Variants in MYO5B observed in about 807,000 individuals in gnomAD.
MYO5B encodes unconventional myosin-Vb.
Under a neutral mutation model 229.3 loss-of-function variants are expected in MYO5B, and 143 were observed. The observed-to-expected ratio is 0.62, with a 90% CI of 0.54 to 0.72. The LOEUF is 0.72. Ranked by LOEUF, MYO5B falls within the 30% of genes least tolerant of loss-of-function variation. MYO5B has a pLI of 0.00. For synonymous variants in MYO5B, 918 were observed against 885.2 expected, an observed-to-expected ratio of 1.04 and a Z score of -0.66; for missense variants, 2,321 against 2,331.0, an observed-to-expected ratio of 1.00 and a Z score of 0.09.
intron 10 of MYO5B, 32 bp from the exon 11 acceptor site, chr18:49,963,062 C>T (rs759836020): frequency 1.9e-6 from 3 of 1,571,044 alleles, no homozygotes; most frequent in Admixed American, 3.3e-5. Flanking sequence ...TAAGAGACGT[C>T]TCCTTTCAAC....
intron 1 of MYO5B, among the ~76,000 whole-genome samples, chr18:50,133,170 C>T (rs2032280634): frequency 6.6e-6 from 1 of 152,070 alleles, no homozygotes; most frequent in South Asian, 2.1e-4. Context: ...TATCCATGGC[C>T]CCCTTCAAAG....
At chr18:49,941,751 C>T (rs2025316032) in intron 14 of MYO5B, among the ~76,000 whole-genome samples, 1 of 151,348 alleles carries the variant, frequency 6.6e-6, no homozygotes, top group African/African-American at 2.4e-5. Flanking sequence ...GGCCATACTG[C>T]CCAAGGTAAT....
At chr18:49,985,827 C>T (rs2025864915) in intron 7 of MYO5B, among the ~76,000 whole-genome samples, 1 of 152,212 alleles carries the variant, frequency 6.6e-6, no homozygotes, top group Admixed American at 6.5e-5. Context: ...GATGCAGCTT[C>T]ACTGCAACTC....
intron 2 of MYO5B, among the ~76,000 whole-genome samples, chr18:50,046,070 T>C (rs898194081): frequency 3.3e-5 from 5 of 152,190 alleles, no homozygotes; most frequent in African/African-American, 7.2e-5. Flanking sequence ...GCTTTTATTA[T>C]CTACCCATGG....
At chr18:49,933,908 C>G (rs1388298128) in intron 16 of MYO5B, among the ~76,000 whole-genome samples, 2 of 152,132 alleles carry the variant, frequency 1.3e-5, no homozygotes, top group Non-Finnish European at 1.5e-5. Flanking sequence ...GATAGTCTTC[C>G]TCTGTCATCC....
intron 22 of MYO5B, among the ~76,000 whole-genome samples, chr18:49,884,590 T>G (rs2024623073): frequency 6.6e-6 from 1 of 152,090 alleles, no homozygotes; most frequent in Admixed American, 6.5e-5. Flanking sequence ...ACTGCTGATT[T>G]GACAGGAGGC....
intron 1 of MYO5B, among the ~76,000 whole-genome samples, chr18:50,084,365 T>A (rs1263975885): frequency 6.6e-6 from 1 of 152,144 alleles, no homozygotes; most frequent in South Asian, 2.1e-4. Flanking sequence ...AATTTTCAAA[T>A]CCCTTCTTCT....
intron 9 of MYO5B, among the ~76,000 whole-genome samples, chr18:49,979,117 C>T (rs1356597709): frequency 6.6e-6 from 1 of 152,162 alleles, no homozygotes; most frequent in African/African-American, 2.4e-5. Flanking sequence ...CCTCCACCAC[C>T]CCCTGGGCCA....
intron 4 of MYO5B, among the ~76,000 whole-genome samples, chr18:50,005,121 G>A (rs1009028667): frequency 6.6e-6 from 1 of 152,174 alleles, no homozygotes; most frequent in African/African-American, 2.4e-5. Flanking sequence ...CTAAAGCACA[G>A]TCCTAATCGT....
At chr18:49,926,216 T>G (rs1423904497) in intron 17 of MYO5B, among the ~76,000 whole-genome samples, 1 of 152,248 alleles carries the variant, frequency 6.6e-6, no homozygotes, top group Non-Finnish European at 1.5e-5. Context: ...TGACAGCTCT[T>G]GTACTTTCCA....
chr18:50,064,601 T>C (rs2030773559), intron 1 of MYO5B, among the ~76,000 whole-genome samples: 1 of 152,206 alleles, frequency 6.6e-6, no homozygotes, highest in South Asian at 2.1e-4. Context: ...AATCCAACTT[T>C]TAAAATCCAT....
At chr18:49,919,499 T>TA (rs1375912594) in intron 17 of MYO5B, among the ~76,000 whole-genome samples, 4 of 151,362 alleles carry the variant, frequency 2.6e-5, no homozygotes, top group Non-Finnish European at 4.4e-5. Context: ...AGTAATCCAA[T>TA]AAAAAAAATG....
chr18:49,849,671 A>T lies in MYO5B; in HGVS notation c.4222-11T>A. ...CAGTTCTTTAAGGTCCTGGAAGCAG[A>T]GGAAGCAGTGTGAGAACAGACATCA... On this transcript the variant is annotated splice_polypyrimidine_tract_variant and intron_variant, in intron 31 of 39. Transcript: ENST00000285039. 1 of 1,605,294 alleles carries T rather than the reference A, an allele frequency of 6.2e-7. No individual in the cohort carries two copies. The highest frequency in any genetic ancestry group is 8.5e-7 in the Non-Finnish European group (1 of 1,172,472).
intron 1 of MYO5B, among the ~76,000 whole-genome samples, chr18:50,167,745 G>T (rs2144329479): frequency 6.6e-6 from 1 of 152,190 alleles, no homozygotes; most frequent in South Asian, 2.1e-4. Context: ...TGATCCATAG[G>T]CAAGAGATTA....
intron 20 of MYO5B, 72 bp from the exon 21 acceptor site, chr18:49,902,905 T>C: frequency 1.9e-6 from 3 of 1,569,430 alleles, no homozygotes; most frequent in South Asian, 1.1e-5. Context: ...CATACATCAC[T>C]GCCTGTGGAG....
At chr18:49,875,899 T>A (rs2024516744) in intron 25 of MYO5B, 72 bp from the exon 26 acceptor site, 1 of 1,562,414 alleles carries the variant, frequency 6.4e-7, no homozygotes. Context: ...AGCACTTCAC[T>A]GCCTCCCTCT....
At chr18:50,036,798 C>T in intron 4 of MYO5B, 52 bp downstream of exon 4, 1 of 1,609,496 alleles carries the variant, frequency 6.2e-7, no homozygotes, top group South Asian at 1.1e-5. Flanking sequence ...AAAAACTCCC[C>T]TTCCTGCCCA....
rs1568141355 is a variant in MYO5B, at chr18:50,195,070, T to G, written c.-277A>C. 3.2e-6 allele frequency: 1 copy of G among 311,136 alleles called. No individual in the cohort carries two copies. Among genetic ancestry groups the G allele is most frequent in the Admixed American group, 5.1e-5 (1 of 19,434 alleles). 19.3% of individuals were successfully genotyped at this position (311,136 alleles called of 1,614,324 possible). ...CGCCGCACCACTCCCCTCCCAGGTG[T>G]GGGGAGGAGGCGAGGGCCGGCGAGG... On this transcript the variant is annotated 5_prime_UTR_variant, in exon 1 of 40. Transcript: ENST00000285039.
intron 10 of MYO5B, chr18:49,970,962 A>G (rs1228896462): frequency 5.3e-5 from 8 of 152,240 alleles, no homozygotes. Flanking sequence ...TCTTGCTCAA[A>G]AGAGACAAGG....
Sources: allele counts gnomAD v4.1 joint callset (sites outside exome capture counted in the v4.1 genomes callset), GRCh38; gene constraint gnomAD v4.1.1; transcripts MANE v1.5; gene names NCBI Gene and HGNC (gene_info 2026-07-23, HGNC 2026-07-21).